The following SVOPL variants were observed in gnomAD, a reference collection of about 807,000 sequenced individuals.
The protein encoded by SVOPL is SVOP like.
Under a neutral mutation model 61.0 loss-of-function variants are expected in SVOPL, and 60 were observed. That is an observed-to-expected ratio of 0.98 (90% CI 0.80 to 1.22). The LOEUF is 1.22. SVOPL is among the 50% of genes most tolerant of loss of function. The pLI, the probability that SVOPL is intolerant of heterozygous loss-of-function variation, is 0.00. For missense variants in SVOPL, 662 were observed against 643.9 expected, an observed-to-expected ratio of 1.03 and a Z score of -0.30; for synonymous variants, 279 against 250.0, an observed-to-expected ratio of 1.12 and a Z score of -1.09.
intron 1 of SVOPL, among the ~76,000 whole-genome samples, chr7:138,696,462 C>A (rs1051068021): frequency 6.6e-6 from 1 of 151,876 alleles, no homozygotes; most frequent in Non-Finnish European, 1.5e-5. Context: ...TTTCTCTTAT[C>A]CCCAGGCTGG....
In SVOPL at chr7:138,630,193, C is replaced by T. The variant is rs536229008; in HGVS notation, c.790-71G>A. On this transcript the variant is annotated intron_variant, in intron 9 of 15. Transcript: ENST00000674285. ...TGAACGGAGATGTTTCCACTGTTTT[C>T]GATCATAGAAGATGAGAATCATATT... 3.2e-4 allele frequency: 413 copies of T among 1,301,854 alleles called. 2 individuals are homozygous for T. Among genetic ancestry groups the T allele is most frequent in the Middle Eastern group, 2.0e-3 (11 of 5,430 alleles). 80.6% of individuals were successfully genotyped at this position (1,301,854 alleles called of 1,614,324 possible). A position where few individuals can be genotyped will look rare whatever the true frequency, so the allele number is the denominator to read the frequency against.
intron 4 of SVOPL, 126 bp downstream of exon 4, chr7:138,671,893 C>G (rs560791147): frequency 9.0e-6 from 7 of 773,948 alleles, no homozygotes; most frequent in African/African-American, 7.0e-5. Flanking sequence ...TGCTGCAAAC[C>G]CTTGAGTTTT....
At chr7:138,633,614 T>C (rs1239217638) in intron 9 of SVOPL, among the ~76,000 whole-genome samples, 1 of 152,134 alleles carries the variant, frequency 6.6e-6, no homozygotes, top group South Asian at 2.1e-4. Context: ...GTCTCAGGTA[T>C]TCCTTTATAG....
At chr7:138,672,584 A>G (rs1802450704) in intron 3 of SVOPL, among the ~76,000 whole-genome samples, 1 of 151,902 alleles carries the variant, frequency 6.6e-6, no homozygotes, top group Non-Finnish European at 1.5e-5. Context: ...AAGATTCATG[A>G]AAGCTGGAAA....
Position 138,628,257 on chromosome 7 carries a change from C to A in SVOPL, c.970G>T (p.Gly324Trp), listed in dbSNP as rs200115398. The A allele has an allele frequency of 3.1e-5, 50 of 1,614,078 alleles. No individual in the cohort carries two copies. Among genetic ancestry groups the A allele is most frequent in the South Asian group, 1.4e-4 (13 of 91,090 alleles). Residue 324 changes from glycine (G) to tryptophan (W), a missense_variant, in exon 11 of 16, where the codon GGG becomes TGG. Physicochemically the swap from Gly to Trp is radical, Grantham distance 184 (BLOSUM62 -2). Transcript: ENST00000674285. The part of the protein sequence containing the change: ...SKSDSAVVVT[G>W]GDSGESQSPC... ...CTCTGGCTCTCCCCTGAGTCCCCCC[C>A]AGTCACCACCACCGCAGAGTCTGAC...
At chr7:138,687,852 A>G (rs1802855033) in intron 1 of SVOPL, among the ~76,000 whole-genome samples, 1 of 151,798 alleles carries the variant, frequency 6.6e-6, no homozygotes, top group Non-Finnish European at 1.5e-5. Flanking sequence ...ACCAGGCTGG[A>G]GTGCAGTGGC....
At chr7:138,626,093 G>GAGGA in intron 12 of SVOPL, 43 bp from the exon 13 acceptor site, 2 of 1,596,328 alleles carry the variant, frequency 1.3e-6, no homozygotes, top group Non-Finnish European at 1.7e-6. Flanking sequence ...AGGCAGCATG[G>GAGGA]AGGACCACCT....
At chr7:138,606,609 C>T (rs1289105089) in intron 14 of SVOPL, among the ~76,000 whole-genome samples, 1 of 152,120 alleles carries the variant, frequency 6.6e-6, no homozygotes, top group African/African-American at 2.4e-5. Flanking sequence ...GGGCCTTGCT[C>T]CCTTCTCTGT....
chr7:138,652,856 C>T (rs935957264), intron 7 of SVOPL, among the ~76,000 whole-genome samples: 1 of 152,134 alleles, frequency 6.6e-6, no homozygotes, highest in African/African-American at 2.4e-5. Context: ...GAACCCCTGA[C>T]CTCAGGTGAT....
At chr7:138,636,249 TTC>T (rs770452090) in intron 9 of SVOPL, among the ~76,000 whole-genome samples, 1 of 152,124 alleles carries the variant, frequency 6.6e-6, no homozygotes. Context: ...ATTTTTAAAA[TTC>T]TGTTTATAAA....
Position 138,660,006 on chromosome 7 carries a change from C to T in SVOPL, c.346-18G>A. The stretch of plus-strand genomic sequence containing the variant: ...AGCAGAATCTGAAGCAACAGCAGAA[C>T]ACATGAATGGGACCTGCCTCAATGC... On this transcript the variant is annotated intron_variant, in intron 5 of 15. Coordinates refer to ENST00000674285, the MANE Select transcript of SVOPL (RefSeq NM_001139456.2). 1 of 1,551,312 alleles carries T rather than the reference C, an allele frequency of 6.4e-7. No homozygotes were observed.
chr7:138,622,132 A>ATCTATCTATGTATCTGTCTATCTG (rs1799653289), intron 13 of SVOPL, among the ~76,000 whole-genome samples: 1 of 132,588 alleles, frequency 7.5e-6, no homozygotes, highest in Non-Finnish European at 1.7e-5. Context: ...GTATCTATCT[A>ATCTATCTATGTATCTGTCTATCTG]TCTATGTATC....
intron 9 of SVOPL, among the ~76,000 whole-genome samples, chr7:138,636,791 A>G (rs1800490651): frequency 6.6e-6 from 1 of 151,996 alleles, no homozygotes; most frequent in African/African-American, 2.4e-5. Flanking sequence ...TATTTTAATT[A>G]ACTAATTTAT....
Position 138,596,523 on chromosome 7 carries a change from A to G in SVOPL, c.1361T>C (p.Met454Thr), listed in dbSNP as rs142898787. 6.9e-5 allele frequency: 111 copies of G among 1,613,648 alleles called. No individual in the cohort carries two copies. In the African/African-American group the frequency reaches 1.1e-3, roughly 17 times the overall value. The change falls in exon 15 of 16, where the codon ATG (methionine) becomes ACG (threonine). Residue 454 changes from methionine to threonine, a missense_variant. Met to Thr is a moderately conservative substitution (Grantham distance 81). Coordinates refer to ENST00000674285, the MANE Select transcript of SVOPL (RefSeq NM_001139456.2). Reference protein sequence around the residue: ...MVAPFISQVLMSASILGALCL... With the variant: ...MVAPFISQVLTSASILGALCL... Reference sequence around the variant, plus strand: ...CAGGGCCCCCAGTATTGATGCACTCATAAGAACCTGCAAGTCACAAGAGAA... The same window carrying G: ...CAGGGCCCCCAGTATTGATGCACTCGTAAGAACCTGCAAGTCACAAGAGAA...
intron 5 of SVOPL, chr7:138,660,638 G>A (rs1026498282): frequency 1.4e-5 from 14 of 985,348 alleles, no homozygotes; most frequent in Middle Eastern, 5.2e-4. Context: ...AATAAGCTGC[G>A]ATGATATCTG....
At chr7:138,678,940 T>C (rs760438131) in intron 2 of SVOPL, 24 bp downstream of exon 2, 1 of 1,547,822 alleles carries the variant, frequency 6.5e-7, no homozygotes, top group South Asian at 1.2e-5. Context: ...CAGGTTGAGC[T>C]GGAGACTTCT....
rs141363523 is a variant in SVOPL, at chr7:138,627,394, T to A, written c.1137A>T (p.Gly379=). 6.2e-7 allele frequency: 1 copy of A among 1,613,634 alleles called. No individual in the cohort carries two copies. The highest frequency in any genetic ancestry group is 1.3e-5 in the African/African-American group (1 of 74,912). Residue 379 remains glycine, a synonymous_variant, in exon 12 of 16, where the codon GGA becomes GGT. Transcript: ENST00000674285. The stretch of plus-strand genomic sequence containing the variant: ...GGAGAAGGAAGAATAAAGCCGTGCA[T>A]CCCATGGTAATAGAAAGGCTCAGCC... ...GRRLSLSITM[G]CTALFFLLLN...
chr7:138,654,888 A>T (rs1408113530), intron 7 of SVOPL, among the ~76,000 whole-genome samples: 1 of 143,738 alleles, frequency 7.0e-6, no homozygotes, highest in African/African-American at 2.8e-5. Flanking sequence ...TTTTTTTTAA[A>T]AAAAAAAAGA....
At chr7:138,603,040 C>T (rs1179318650) in intron 14 of SVOPL, among the ~76,000 whole-genome samples, 1 of 152,056 alleles carries the variant, frequency 6.6e-6, no homozygotes, top group African/African-American at 2.4e-5. Flanking sequence ...ATATAAAACA[C>T]ACATCTATAT....
Sources: gnomAD v4.1 joint callset for allele counts (sites outside exome capture counted in the v4.1 genomes callset) on GRCh38, gnomAD v4.1.1 for gene constraint, MANE v1.5 for transcripts, NCBI Gene and HGNC (gene_info 2026-07-23, HGNC 2026-07-21) for gene names.